ANO6: variants seen among roughly 807,000 people sequenced by gnomAD.
The protein encoded by ANO6 is anoctamin-6.
A neutral mutation model predicts 117.5 loss-of-function variants in ANO6; 106 were observed. That is an observed-to-expected ratio of 0.90 (90% CI 0.77 to 1.06). The LOEUF (loss-of-function observed/expected upper bound fraction) is 1.06. Ranked by LOEUF, ANO6 falls within the 50% of genes least tolerant of loss-of-function variation. The pLI is 0.00. For missense variants in ANO6, 955 were observed against 1,121.1 expected, an observed-to-expected ratio of 0.85 and a Z score of 2.12; for synonymous variants, 367 against 385.1, an observed-to-expected ratio of 0.95 and a Z score of 0.55.
At chr12:45,325,755 C>CA (rs1244844892) in intron 2 of ANO6, among the ~76,000 whole-genome samples, 2 of 151,942 alleles carry the variant, frequency 1.3e-5, no homozygotes, top group Non-Finnish European at 2.9e-5. Flanking sequence ...TTAAAATGAT[C>CA]AAAAGTCTGT....
chr12:45,236,815 C>T (rs1237839912), intron 1 of ANO6, among the ~76,000 whole-genome samples: 1 of 152,180 alleles, frequency 6.6e-6, no homozygotes, highest in Admixed American at 6.5e-5. Flanking sequence ...CTGTCTTCCA[C>T]AATGGTTGAA....
chr12:45,412,635 A>G (rs867494062), intron 16 of ANO6, among the ~76,000 whole-genome samples: 1 of 152,144 alleles, frequency 6.6e-6, no homozygotes, highest in African/African-American at 2.4e-5. Flanking sequence ...CCTTTGCAGG[A>G]TGAGCTTTCC....
chr12:45,399,273 G>A (rs1161434380), intron 12 of ANO6, among the ~76,000 whole-genome samples: 1 of 152,110 alleles, frequency 6.6e-6, no homozygotes, highest in Non-Finnish European at 1.5e-5. Context: ...TCAGCTCACT[G>A]CAACCTCCGC....
chr12:45,358,007 G>C (rs370115547), intron 8 of ANO6, among the ~76,000 whole-genome samples: 2 of 152,310 alleles, frequency 1.3e-5, no homozygotes, highest in African/African-American at 4.8e-5. Context: ...ACTCTCTAAA[G>C]GGACATATGT....
At chr12:45,339,670 C>T (rs1041785483) in intron 3 of ANO6, among the ~76,000 whole-genome samples, 11 of 152,146 alleles carry the variant, frequency 7.2e-5, no homozygotes, top group South Asian at 6.2e-4. Flanking sequence ...ATCACCAACA[C>T]GTGAATTTAA....
intron 2 of ANO6, among the ~76,000 whole-genome samples, chr12:45,319,905 A>G (rs1236827797): frequency 3.9e-5 from 6 of 152,224 alleles, no homozygotes; most frequent in African/African-American, 1.4e-4. Context: ...TTATTGGCGT[A>G]GAAGTGTTTG....
chr12:45,357,531 T>G (rs1262844034), intron 8 of ANO6, 107 bp downstream of exon 8: 2 of 1,382,404 alleles, frequency 1.4e-6, no homozygotes, highest in Non-Finnish European at 2.0e-6. Context: ...TGCAGAACAT[T>G]CATTGCTTGG....
intron 9 of ANO6, among the ~76,000 whole-genome samples, chr12:45,376,565 A>C (rs1298864751): frequency 6.9e-6 from 1 of 145,660 alleles, no homozygotes; most frequent in Non-Finnish European, 1.5e-5. Flanking sequence ...ACATGGATGA[A>C]ATTGGAAATC....
chr12:45,310,406 CTGAG>C (rs1939810405), intron 2 of ANO6, among the ~76,000 whole-genome samples: 1 of 151,894 alleles, frequency 6.6e-6, no homozygotes. Flanking sequence ...AATGAAAGTC[CTGAG>C]TAAGTGAGTC....
intron 1 of ANO6, among the ~76,000 whole-genome samples, chr12:45,229,365 A>G (rs996783982): frequency 6.2e-5 from 9 of 146,212 alleles, no homozygotes; most frequent in African/African-American, 2.3e-4. Flanking sequence ...CTGTCTATCA[A>G]TCTCCTCAGT....
At chr12:45,394,996 G>A (rs1285566313) in intron 12 of ANO6, among the ~76,000 whole-genome samples, 5 of 152,056 alleles carry the variant, frequency 3.3e-5, no homozygotes, top group Admixed American at 3.3e-4. Context: ...ACTAAGAGCA[G>A]AACTGAAAAA....
chr12:45,281,618 G>A (rs183026876), intron 1 of ANO6, among the ~76,000 whole-genome samples: 1 of 152,282 alleles, frequency 6.6e-6, no homozygotes, highest in African/African-American at 2.4e-5. Flanking sequence ...TGGGGATGGT[G>A]CTCAGCCATT....
chr12:45,414,837 CACTGCA>C (rs1282808537), intron 16 of ANO6, among the ~76,000 whole-genome samples: 100 of 152,192 alleles, frequency 6.6e-4, no homozygotes, highest in Non-Finnish European at 8.8e-5. Flanking sequence ...AATCCCGGCT[CACTGCA>C]ACCTCCGCCT....
chr12:45,378,184 T>A, intron 10 of ANO6, 71 bp downstream of exon 10: 1 of 1,465,524 alleles, frequency 6.8e-7, no homozygotes, highest in African/African-American at 1.4e-5. Flanking sequence ...GCTATCAAAG[T>A]AACCCACTTT....
intron 1 of ANO6, among the ~76,000 whole-genome samples, chr12:45,285,366 G>T (rs1938874462): frequency 6.6e-6 from 1 of 152,202 alleles, no homozygotes; most frequent in African/African-American, 2.4e-5. Flanking sequence ...GAGACACGAG[G>T]AGTTGATTAT....
At chr12:45,436,491 A>T (rs573922667), downstream of ANO6, among the ~76,000 whole-genome samples, 1 of 152,280 alleles carries the variant, frequency 6.6e-6, no homozygotes, top group South Asian at 2.1e-4. Context: ...GAAGTCCCTA[A>T]TGTCTATGCT....
intron 1 of ANO6, among the ~76,000 whole-genome samples, chr12:45,280,757 A>G (rs945996496): frequency 5.3e-5 from 8 of 152,088 alleles, no homozygotes; most frequent in African/African-American, 1.7e-4. Context: ...ATTTTCTTAA[A>G]TCAGAAAGGA....
chr12:45,428,463 AAGT>A (rs2137730917), intron 19 of ANO6, among the ~76,000 whole-genome samples: 2 of 152,236 alleles, frequency 1.3e-5, no homozygotes, highest in South Asian at 4.1e-4. Context: ...GAAATTTTAA[AAGT>A]AGCCAGGCAT....
At chr12:45,436,090 A>C (rs1471330129), downstream of ANO6, among the ~76,000 whole-genome samples, 1 of 152,144 alleles carries the variant, frequency 6.6e-6, no homozygotes, top group Non-Finnish European at 1.5e-5. Flanking sequence ...CTCTCTAACA[A>C]TTGGCCCAGT....
Sources: allele counts gnomAD v4.1 joint callset (sites outside exome capture counted in the v4.1 genomes callset), GRCh38; gene constraint gnomAD v4.1.1; transcripts MANE v1.5; gene names NCBI Gene and HGNC (gene_info 2026-07-23, HGNC 2026-07-21).